SH3BP4: variants seen among roughly 807,000 people sequenced by gnomAD.
The protein encoded by SH3BP4 is SH3 domain binding protein 4.
A neutral mutation model predicts 65.5 loss-of-function variants in SH3BP4; 33 were observed. The ratio of observed to expected loss-of-function variants is 0.50; its 90% CI spans 0.38 to 0.67. The LOEUF is 0.67. SH3BP4 is among the 30% of genes least tolerant of loss of function. The probability of loss-of-function intolerance (pLI) is 0.00; values close to 1 mark genes in which losing one functional copy is unlikely to be tolerated. For missense variants in SH3BP4, 1,134 were observed against 1,261.4 expected, an observed-to-expected ratio of 0.90 and a Z score of 1.53; for synonymous variants, 552 against 545.5, an observed-to-expected ratio of 1.01 and a Z score of -0.17.
chr2:235,038,272 TAATATATATTATATATA>T lies in SH3BP4; in HGVS notation c.119-2614_119-2598del, dbSNP rs1559254129. On this transcript the variant is annotated intron_variant, in intron 3 of 5. Transcript: ENST00000392011. ...TATTATATATAATATATATTATATA[TAATATATATTATATATA>T]ATATATATATTATATATATATATTA... Among the ~76,000 whole-genome samples, 73 of 20,820 alleles carry T rather than the reference TAATATATATTATATATA, an allele frequency of 3.5e-3. 5 individuals are homozygous for T. Among genetic ancestry groups the T allele is most frequent in the African/African-American group, 0.031 (67 of 2,166 alleles). 13.7% of individuals were successfully genotyped at this position (20,820 alleles called of 152,430 possible).
At position 234,991,508 on chromosome 2, in the gene SH3BP4, T is replaced by C. The variant is rs1246074036; in HGVS notation, c.-206-3795T>C. Among the ~76,000 whole-genome samples the C allele has an allele frequency of 6.6e-6, 1 of 152,234 alleles. No homozygotes were observed. Among genetic ancestry groups the C allele is most frequent in the Non-Finnish European group, 1.5e-5 (1 of 68,050 alleles). ...CCCAAATCATGGTTAATGACAACAC[T>C]GATGTTTCTTGAAACAACTGGAGAA... On this transcript the variant is annotated intron_variant, in intron 1 of 5. Transcript: ENST00000392011. The surrounding 1 kb of genome is among the most constrained non-coding windows in gnomAD (Gnocchi z 4.2).
intron 1 of SH3BP4, among the ~76,000 whole-genome samples, chr2:234,981,272 G>T (rs1693374436): frequency 6.6e-6 from 1 of 152,138 alleles, no homozygotes; most frequent in African/African-American, 2.4e-5. Flanking sequence ...CCTGTTTATC[G>T]CTCTTGCTTG....
rs1408098978 is a variant in SH3BP4 at position 235,026,157 on chromosome 2, G to A, written c.-132-8714G>A. Among the ~76,000 whole-genome samples, 2 of 152,252 alleles carry A rather than the reference G, an allele frequency of 1.3e-5. No homozygotes were observed. The highest frequency in any genetic ancestry group is 4.8e-5 in the African/African-American group (2 of 41,548). ...AGGAAGCAGAGGAGAGGGGAGGCAG[G>A]AAAGGGAGGAGGCCAGGTAAGAAGC... On this transcript the variant is annotated intron_variant, in intron 2 of 5. Transcript: ENST00000392011. This position sits in a 1 kb window ranked among gnomAD's most constrained non-coding sequence, Gnocchi z 4.6.
intron 1 of SH3BP4, among the ~76,000 whole-genome samples, chr2:234,958,414 G>A (rs1378279263): frequency 2.0e-5 from 3 of 152,096 alleles, no homozygotes; most frequent in African/African-American, 7.2e-5. Flanking sequence ...ATTCAAGGAG[G>A]TGCTCGCCCT....
chr2:234,990,584 A>G (rs1043319040), intron 1 of SH3BP4, among the ~76,000 whole-genome samples: 1 of 152,178 alleles, frequency 6.6e-6, no homozygotes, highest in African/African-American at 2.4e-5. Flanking sequence ...TGCAGCGTGG[A>G]CCAGCTCTTG....
At chr2:234,980,929 G>T (rs761359806) in intron 1 of SH3BP4, among the ~76,000 whole-genome samples, 2 of 152,070 alleles carry the variant, frequency 1.3e-5, no homozygotes, top group African/African-American at 4.8e-5. Flanking sequence ...TCACTGTGTC[G>T]CCCAGGCTGG....
rs1460391983 is a variant in SH3BP4, at chr2:235,034,913, T to G, written c.-90T>G. 9.0e-6 allele frequency: 10 copies of G among 1,114,616 alleles called. No individual in the cohort carries two copies. The highest frequency in any genetic ancestry group is 7.8e-5 in the African/African-American group (5 of 64,180). 69.0% of individuals were successfully genotyped at this position (1,114,616 alleles called of 1,614,324 possible). Reference sequence around the variant, plus strand: ...AGTGGATGCCGCCGCGCAGCGTGTTTGCTTGAGGCAGAAGCTTCAGCATCT... The same window carrying G: ...AGTGGATGCCGCCGCGCAGCGTGTTGGCTTGAGGCAGAAGCTTCAGCATCT... On this transcript the variant is annotated 5_prime_UTR_variant, in exon 3 of 6. Coordinates refer to ENST00000392011, the MANE Select transcript of SH3BP4 (RefSeq NM_014521.3). This position sits in a 1 kb window ranked among gnomAD's most constrained non-coding sequence, Gnocchi z 6.2.
Position 235,042,946 on chromosome 2 carries a change from G to A in SH3BP4, c.2177G>A (p.Arg726Gln), listed in dbSNP as rs778825227. ...TKNVLVVGRA[R>Q]PSLCSGPELS... ...AACGTGCTGGTGGTCGGCAGGGCCC[G>A]GCCCAGCCTGTGCTCGGGCCCCGAG... The change falls in exon 4 of 6, where the codon CGG becomes CAG. Residue 726 changes from arginine (R) to glutamine (Q), a missense_variant. Coordinates refer to ENST00000392011, the MANE Select transcript of SH3BP4 (RefSeq NM_014521.3). The surrounding 1 kb of genome is among the most constrained non-coding windows in gnomAD (Gnocchi z 7.3). The A allele has an allele frequency of 4.3e-6, 7 of 1,613,018 alleles. No individual in the cohort carries two copies. The South Asian group carries it at 4.4e-5, about 10-fold the overall frequency.
At chr2:235,004,621 C>T (rs1694235655) in intron 2 of SH3BP4, among the ~76,000 whole-genome samples, 1 of 150,736 alleles carries the variant, frequency 6.6e-6, no homozygotes, top group African/African-American at 2.5e-5. Context: ...TAAATGGAAC[C>T]ATACAATAGG....
intron 1 of SH3BP4, among the ~76,000 whole-genome samples, chr2:234,963,208 G>C (rs1029912962): frequency 3.9e-5 from 6 of 152,174 alleles, no homozygotes; most frequent in Non-Finnish European, 8.8e-5. Context: ...ACACTTCCCA[G>C]TTATTTTGAA....
At chr2:235,028,937 G>A (rs913458282) in intron 2 of SH3BP4, among the ~76,000 whole-genome samples, 6 of 152,262 alleles carry the variant, frequency 3.9e-5, no homozygotes, top group Middle Eastern at 3.4e-3. Context: ...AAATGGGACA[G>A]GGGCTGATGA....
intron 1 of SH3BP4, among the ~76,000 whole-genome samples, chr2:234,971,991 A>G (rs1242507775): frequency 1.3e-5 from 2 of 150,378 alleles, no homozygotes; most frequent in Non-Finnish European, 3.0e-5. Flanking sequence ...TAATTTTTGT[A>G]TTTTTAGTAG....
At chr2:235,007,444 C>CAGGGAGG (rs1201099096) in intron 2 of SH3BP4, among the ~76,000 whole-genome samples, 1 of 152,134 alleles carries the variant, frequency 6.6e-6, no homozygotes. Flanking sequence ...TGTCACCACG[C>CAGGGAGG]AGGGAGGAGG....
chr2:234,991,717 G>C lies in SH3BP4; in HGVS notation c.-206-3586G>C, dbSNP rs1693753911. On this transcript the variant is annotated intron_variant, in intron 1 of 5. Coordinates refer to ENST00000392011, the MANE Select transcript of SH3BP4 (RefSeq NM_014521.3). The surrounding 1 kb of genome is among the most constrained non-coding windows in gnomAD (Gnocchi z 4.2). ...AGGCGGTCCTTGTCCAGAGGCCTTGGGCCTCTGGAGAGGTTGATCAGGAGT... is the reference window on the plus strand; with the variant it reads ...AGGCGGTCCTTGTCCAGAGGCCTTGCGCCTCTGGAGAGGTTGATCAGGAGT... Among the ~76,000 whole-genome samples the C allele has an allele frequency of 6.6e-6, 1 of 152,196 alleles. No homozygotes were observed. Among genetic ancestry groups the C allele is most frequent in the South Asian group, 2.1e-4 (1 of 4,832 alleles).
chr2:234,961,093 C>T (rs1270890611), intron 1 of SH3BP4, among the ~76,000 whole-genome samples: 1 of 152,192 alleles, frequency 6.6e-6, no homozygotes, highest in Non-Finnish European at 1.5e-5. Context: ...TTTGGCTTCT[C>T]TTCCTGTTAT....
chr2:234,984,000 G>A (rs560483317), intron 1 of SH3BP4, among the ~76,000 whole-genome samples: 17 of 152,214 alleles, frequency 1.1e-4, no homozygotes, highest in Non-Finnish European at 1.9e-4. Flanking sequence ...GGAAAGTCAC[G>A]CAGGGTTCTG....
At position 235,048,497 on chromosome 2, in the gene SH3BP4, AT is replaced by A. The variant is rs59151071; in HGVS notation, c.2479-4050del. 5.9e-3 allele frequency among the ~76,000 whole-genome samples: 844 copies of A among 142,266 alleles called. 3 individuals are homozygous for A. The highest frequency in any genetic ancestry group is 0.031 in the South Asian group (139 of 4,424). 93.3% of individuals were successfully genotyped at this position (142,266 alleles called of 152,430 possible). A position where few individuals can be genotyped will look rare whatever the true frequency, so the allele number is the denominator to read the frequency against. The stretch of plus-strand genomic sequence containing the variant: ...AAGCAGGTGCCACCACACCCAGCTA[AT>A]TTTTTTTTTTTTTTGTCTGTAGTAG... On this transcript the variant is annotated intron_variant, in intron 4 of 5. Transcript: ENST00000392011.
chr2:235,041,952 A>T lies in SH3BP4; in HGVS notation c.1183A>T (p.Met395Leu), dbSNP rs1234352455. 1 of 1,613,344 alleles carries T rather than the reference A, an allele frequency of 6.2e-7. No homozygotes were observed. Among genetic ancestry groups the T allele is most frequent in the African/African-American group, 1.3e-5 (1 of 74,892 alleles). ...GGTGAAAACCTCTATCATCTTGGAG[A>T]TGAAAGTGTCAGCCGAGATAAAAAA... Reference protein sequence around the residue: ...LEVKTSIILEMKVSAEIKNDL... With the variant: ...LEVKTSIILELKVSAEIKNDL... Residue 395 changes from methionine (M) to leucine (L), a missense_variant, in exon 4 of 6, where the codon ATG becomes TTG. By Grantham distance (15) the Met-to-Leu change is conservative. Transcript: ENST00000392011. This position sits in a 1 kb window ranked among gnomAD's most constrained non-coding sequence, Gnocchi z 6.0.
chr2:235,010,975 A>G (rs1353364707), intron 2 of SH3BP4, among the ~76,000 whole-genome samples: 1 of 146,840 alleles, frequency 6.8e-6, no homozygotes, highest in African/African-American at 2.5e-5. Flanking sequence ...TCCCTCTTCT[A>G]GGAGAACCCT....
Sources: allele counts gnomAD v4.1 joint callset (sites outside exome capture counted in the v4.1 genomes callset), GRCh38; gene constraint gnomAD v4.1.1; non-coding constraint Gnocchi (gnomAD v3.1); transcripts MANE v1.5; gene names NCBI Gene and HGNC (gene_info 2026-07-23, HGNC 2026-07-21).